LTBP1: variants seen among roughly 807,000 people sequenced by gnomAD.
The protein encoded by LTBP1 is latent transforming growth factor beta binding protein 1.
LTBP1 carries 129 observed loss-of-function variants against 207.6 expected under a neutral mutation model. The ratio of observed to expected loss-of-function variants is 0.62; its 90% CI spans 0.54 to 0.72. The LOEUF is 0.72. LTBP1 is among the 30% of genes least tolerant of loss of function. The pLI is 0.00. For missense variants in LTBP1, 2,281 were observed against 2,217.2 expected, an observed-to-expected ratio of 1.03 and a Z score of -0.58; for synonymous variants, 963 against 833.7, an observed-to-expected ratio of 1.16 and a Z score of -2.67.
intron 3 of LTBP1, among the ~76,000 whole-genome samples, chr2:33,094,117 C>T (rs1298122526): frequency 1.3e-5 from 2 of 152,032 alleles, no homozygotes; most frequent in Non-Finnish European, 1.5e-5. Context: ...TTCATATTTG[C>T]AGACTATTTA....
intron 18 of LTBP1, among the ~76,000 whole-genome samples, chr2:33,277,671 A>G (rs2093455095): frequency 6.6e-6 from 1 of 151,886 alleles, no homozygotes; most frequent in Non-Finnish European, 1.5e-5. Context: ...AGTGCTTTAA[A>G]AAAATGGGGT....
At chr2:33,177,880 A>C (rs6543697) in intron 5 of LTBP1, among the ~76,000 whole-genome samples, 11,879 of 152,278 alleles carry the variant, frequency 0.078, 993 homozygotes, top group African/African-American at 0.21. Context: ...CTGAACACTC[A>C]TCTAGGCTTT....
rs565057184 is a variant in LTBP1 at position 33,262,119 on chromosome 2, G to A, written c.2419-603G>A. On this transcript the variant is annotated intron_variant, in intron 13 of 33. Coordinates refer to ENST00000404816, the MANE Select transcript of LTBP1 (RefSeq NM_206943.4). ...AAGCGTGGGCACCAAAATGTGTGATGAAGCCCCAAATCCTTCTCCAAGCCA... is the reference window on the plus strand; with the variant it reads ...AAGCGTGGGCACCAAAATGTGTGATAAAGCCCCAAATCCTTCTCCAAGCCA... 2.1e-4 allele frequency among the ~76,000 whole-genome samples: 32 copies of A among 152,294 alleles called. 1 individual carries two copies. Among genetic ancestry groups the A allele is most frequent in the African/African-American group, 7.5e-4 (31 of 41,562 alleles).
At position 33,190,540 on chromosome 2, in the gene LTBP1, C is replaced by T. The variant is rs565017479; in HGVS notation, c.1701+1689C>T. On this transcript the variant is annotated intron_variant, in intron 7 of 33. Coordinates refer to ENST00000404816, the MANE Select transcript of LTBP1 (RefSeq NM_206943.4). ...AGAGCATCCTTGTGGAGTTGTAAGA[C>T]CTTGATTAGAGCTGTGAGCCCAGCA... 2.6e-5 allele frequency among the ~76,000 whole-genome samples: 4 copies of T among 152,226 alleles called. No individual in the cohort carries two copies. In the South Asian group the frequency reaches 8.3e-4, roughly 32 times the overall value.
chr2:33,354,728 A>ACACACACACC (rs751452437), intron 26 of LTBP1, among the ~76,000 whole-genome samples: 5 of 106,634 alleles, frequency 4.7e-5, no homozygotes, highest in African/African-American at 1.6e-4. Context: ...ACACACACAC[A>ACACACACACC]CCATTGTATC....
chr2:33,041,797 T>C (rs973489996), intron 3 of LTBP1, among the ~76,000 whole-genome samples: 2 of 152,146 alleles, frequency 1.3e-5, no homozygotes, highest in Admixed American at 6.5e-5. Flanking sequence ...GTCTCTCTCT[T>C]GCTCACACAC....
chr2:33,330,762 C>CT (rs553767860), intron 24 of LTBP1, among the ~76,000 whole-genome samples: 12,453 of 122,266 alleles, frequency 0.1, 1,279 homozygotes, highest in African/African-American at 0.27. Context: ...CAGACAATAT[C>CT]TTTTTTTTTT....
At chr2:33,196,572 C>T (rs1045873796) in intron 7 of LTBP1, among the ~76,000 whole-genome samples, 27 of 152,032 alleles carry the variant, frequency 1.8e-4, no homozygotes, top group African/African-American at 6.3e-4. Context: ...TGTGAGGAAT[C>T]AAGCATCAGG....
chr2:33,041,285 T>TC (rs2076169875), intron 3 of LTBP1, among the ~76,000 whole-genome samples: 1 of 152,138 alleles, frequency 6.6e-6, no homozygotes, highest in African/African-American at 2.4e-5. Flanking sequence ...TCTTTTTCTT[T>TC]CTTTTTTTTT....
rs906991066 is a variant in LTBP1, at chr2:33,187,147, A to G, written c.1426+67A>G. The G allele has an allele frequency of 4.2e-6, 6 of 1,421,590 alleles. No homozygotes were observed. In the African/African-American group the frequency reaches 5.6e-5, roughly 13 times the overall value. 88.1% of individuals were successfully genotyped at this position (1,421,590 alleles called of 1,614,324 possible). A position where few individuals can be genotyped will look rare whatever the true frequency, so the allele number is the denominator to read the frequency against. On this transcript the variant is annotated intron_variant, in intron 6 of 33. Coordinates refer to ENST00000404816, the MANE Select transcript of LTBP1 (RefSeq NM_206943.4). ...ACCTGCCAAACCCACATAGAAGTCA[A>G]GGATCTGCGGGTGGCCAGGGCTGGT...
At chr2:32,972,917 A>G (rs894189256) in intron 2 of LTBP1, among the ~76,000 whole-genome samples, 4 of 152,194 alleles carry the variant, frequency 2.6e-5, no homozygotes, top group African/African-American at 9.6e-5. Context: ...GTATCGTTAT[A>G]GTGGAGTGAG....
chr2:33,073,977 A>C (rs146845034), intron 3 of LTBP1, among the ~76,000 whole-genome samples: 1 of 152,288 alleles, frequency 6.6e-6, no homozygotes, highest in South Asian at 2.1e-4. Flanking sequence ...CTACTTGGCA[A>C]ATTGTAAGGT....
At chr2:33,100,216 T>A (rs971763673) in intron 3 of LTBP1, among the ~76,000 whole-genome samples, 2 of 152,168 alleles carry the variant, frequency 1.3e-5, no homozygotes, top group Non-Finnish European at 2.9e-5. Context: ...CATGCTGTGG[T>A]TCATGGGAAC....
At chr2:33,298,089 G>C (rs2093915731) in intron 20 of LTBP1, among the ~76,000 whole-genome samples, 1 of 152,152 alleles carries the variant, frequency 6.6e-6, no homozygotes, top group Non-Finnish European at 1.5e-5. Flanking sequence ...GATATTCTTG[G>C]CACAAAAGAA....
At chr2:33,347,631 C>A in intron 26 of LTBP1, 121 bp downstream of exon 26, 1 of 1,186,428 alleles carries the variant, frequency 8.4e-7, no homozygotes, top group Non-Finnish European at 1.2e-6. Flanking sequence ...TGACACAGTG[C>A]TGTCTCTGGA....
chr2:33,322,101 T>G (rs961344598), intron 24 of LTBP1, among the ~76,000 whole-genome samples: 2 of 150,834 alleles, frequency 1.3e-5, no homozygotes, highest in Non-Finnish European at 2.9e-5. Context: ...AAATTCATAA[T>G]AGTAGCAAAA....
chr2:33,090,163 C>T (rs12712337), intron 3 of LTBP1, among the ~76,000 whole-genome samples: 26,226 of 151,322 alleles, frequency 0.17, 2,698 homozygotes, highest in South Asian at 0.24. Flanking sequence ...GGTAATTCCA[C>T]TGTTTCATTT....
chr2:33,291,120 A>G (rs1047115748), intron 19 of LTBP1, among the ~76,000 whole-genome samples: 4 of 152,202 alleles, frequency 2.6e-5, no homozygotes, highest in African/African-American at 7.2e-5. Context: ...GTTCCATGCA[A>G]TTATGTCTAT....
At position 32,967,663 on chromosome 2, in the gene LTBP1, T is replaced by C. The variant is rs538823011; in HGVS notation, c.565+18718T>C. Reference sequence around the variant, plus strand: ...GTTATAAATTTCTAGTTTAATTCCATTGTGACCTGAGAATGGATATTATAT... The same window carrying C: ...GTTATAAATTTCTAGTTTAATTCCACTGTGACCTGAGAATGGATATTATAT... On this transcript the variant is annotated intron_variant, in intron 2 of 33. Coordinates refer to ENST00000404816, the MANE Select transcript of LTBP1 (RefSeq NM_206943.4). Among the ~76,000 whole-genome samples, 23 of 152,330 alleles carry C rather than the reference T, an allele frequency of 1.5e-4. No individual in the cohort carries two copies. In the South Asian group the frequency reaches 3.7e-3, roughly 25 times the overall value.
Sources: gnomAD v4.1 joint callset for allele counts (sites outside exome capture counted in the v4.1 genomes callset) on GRCh38, gnomAD v4.1.1 for gene constraint, MANE v1.5 for transcripts, NCBI Gene and HGNC (gene_info 2026-07-23, HGNC 2026-07-21) for gene names.